The following DLGAP2 variants were observed in gnomAD, a reference collection of about 807,000 sequenced individuals.
The protein encoded by DLGAP2 is DLG associated protein 2.
Under a neutral mutation model 100.3 loss-of-function variants are expected in DLGAP2, and 26 were observed. That is an observed-to-expected ratio of 0.26 (90% CI 0.19 to 0.36). The LOEUF is 0.36. DLGAP2 is among the 10% of genes least tolerant of loss of function. The probability of loss-of-function intolerance (pLI) is 1.00; values close to 1 mark genes in which losing one functional copy is unlikely to be tolerated. For missense variants in DLGAP2, 1,858 were observed against 1,453.2 expected, an observed-to-expected ratio of 1.28 and a Z score of -4.53; for synonymous variants, 886 against 630.1, an observed-to-expected ratio of 1.41 and a Z score of -6.08.
intron 3 of DLGAP2, among the ~76,000 whole-genome samples, chr8:1,285,560 C>A (rs189807715): frequency 6.6e-6 from 1 of 152,276 alleles, no homozygotes; most frequent in Non-Finnish European, 1.5e-5. Context: ...CCCACGTGAA[C>A]AAGACACACC....
At chr8:1,254,215 A>T (rs1291710414) in intron 2 of DLGAP2, among the ~76,000 whole-genome samples, 3 of 152,130 alleles carry the variant, frequency 2.0e-5, no homozygotes, top group Non-Finnish European at 4.4e-5. Context: ...AGTGCCTCCC[A>T]CAGGCACCAT....
intron 3 of DLGAP2, among the ~76,000 whole-genome samples, chr8:1,339,822 A>G (rs1201407614): frequency 7.2e-5 from 11 of 152,176 alleles, no homozygotes; most frequent in Admixed American, 7.2e-4. Flanking sequence ...GCTGGAAGGA[A>G]TTCTCTAGGA....
At position 737,829 on chromosome 8, in the gene DLGAP2, C is replaced by G; in HGVS notation, c.18+4C>G. 1 of 378,362 alleles carries G rather than the reference C, an allele frequency of 2.6e-6. No individual in the cohort carries two copies. Among genetic ancestry groups the G allele is most frequent in the Non-Finnish European group, 4.7e-6 (1 of 212,888 alleles). The allele number at this position is 378,362 out of a possible 1,614,324, so 23.4% of individuals were successfully genotyped here. A position where few individuals can be genotyped will look rare whatever the true frequency, so the allele number is the denominator to read the frequency against. ...GAGGATGTCCGCGCTGAGGAAGGTG[C>G]GAGCCGCCGGGGGCTGCCGGGAGCC... On this transcript the variant is annotated splice_donor_region_variant and intron_variant, in intron 1 of 14. Coordinates refer to ENST00000637795, the MANE Select transcript of DLGAP2 (RefSeq NM_001346810.2).
intron 1 of DLGAP2, among the ~76,000 whole-genome samples, chr8:839,704 C>T (rs1241630654): frequency 2.0e-5 from 3 of 152,178 alleles, no homozygotes; most frequent in Non-Finnish European, 4.4e-5. Context: ...CTTGCTCCCA[C>T]CCTAAGTGCC....
At chr8:1,240,328 C>A (rs1251052317) in intron 2 of DLGAP2, among the ~76,000 whole-genome samples, 3 of 145,654 alleles carry the variant, frequency 2.1e-5, no homozygotes, top group African/African-American at 7.7e-5. Context: ...GTGTCTAGTT[C>A]TCTCTCACAC....
chr8:1,187,303 G>A lies in DLGAP2; in HGVS notation c.74-71548G>A, dbSNP rs563600821. 1.1e-4 allele frequency among the ~76,000 whole-genome samples: 17 copies of A among 149,668 alleles called. 1 individual carries two copies. Among genetic ancestry groups the A allele is most frequent in the African/African-American group, 3.5e-4 (14 of 40,314 alleles). The stretch of plus-strand genomic sequence containing the variant: ...TTGTCTCATGGAATCTCACATGCCC[G>A]GGACCTCTGTGACATTTCCCTCACA... On this transcript the variant is annotated intron_variant, in intron 2 of 14. Coordinates refer to ENST00000637795, the MANE Select transcript of DLGAP2 (RefSeq NM_001346810.2).
intron 6 of DLGAP2, among the ~76,000 whole-genome samples, chr8:1,610,767 G>A (rs563895724): frequency 2.6e-4 from 39 of 147,848 alleles, no homozygotes; most frequent in Admixed American, 1.5e-3. Context: ...ACACCTCTAC[G>A]CAAATAAACT....
At chr8:1,420,112 G>A (rs1265023168) in intron 3 of DLGAP2, among the ~76,000 whole-genome samples, 1 of 152,142 alleles carries the variant, frequency 6.6e-6, no homozygotes, top group Non-Finnish European at 1.5e-5. Flanking sequence ...CTTCCTGGAG[G>A]TCTGGGGTCG....
chr8:1,363,477 G>A lies in DLGAP2; in HGVS notation c.106+104594G>A, dbSNP rs376176552. ...CCACACGCGTTTCCTCCACCACCCA[G>A]TGATGGCCTTGTCCACAAAAAGCCA... On this transcript the variant is annotated intron_variant, in intron 3 of 14. Coordinates refer to ENST00000637795, the MANE Select transcript of DLGAP2 (RefSeq NM_001346810.2). 9.2e-5 allele frequency among the ~76,000 whole-genome samples: 14 copies of A among 152,338 alleles called. No homozygotes were observed. The South Asian group carries it at 2.5e-3, about 27-fold the overall frequency.
At chr8:1,637,566 C>T (rs1308203562) in intron 8 of DLGAP2, among the ~76,000 whole-genome samples, 1 of 152,100 alleles carries the variant, frequency 6.6e-6, no homozygotes, top group Non-Finnish European at 1.5e-5. Flanking sequence ...AAAAAAGTCA[C>T]ACATGATCAC....
intron 6 of DLGAP2, among the ~76,000 whole-genome samples, chr8:1,579,134 T>G (rs1193305946): frequency 6.6e-6 from 1 of 152,234 alleles, no homozygotes; most frequent in Non-Finnish European, 1.5e-5. Flanking sequence ...CTTTTTTTTC[T>G]GCTTAGTTCA....
At chr8:1,363,954 G>T (rs1802046160) in intron 3 of DLGAP2, among the ~76,000 whole-genome samples, 1 of 152,178 alleles carries the variant, frequency 6.6e-6, no homozygotes, top group Admixed American at 6.5e-5. Context: ...ATTGGCCATG[G>T]CACAGTAGGA....
chr8:1,472,946 T>C (rs902761279), intron 3 of DLGAP2, among the ~76,000 whole-genome samples: 3 of 152,226 alleles, frequency 2.0e-5, no homozygotes, highest in Admixed American at 6.5e-5. Flanking sequence ...ACACAATTTT[T>C]TTTTTGACAT....
intron 2 of DLGAP2, among the ~76,000 whole-genome samples, chr8:1,062,314 C>T (rs1337022235): frequency 6.6e-6 from 1 of 152,178 alleles, no homozygotes; most frequent in Non-Finnish European, 1.5e-5. Context: ...AGCTCCGTGG[C>T]AGCCTGGTCC....
chr8:1,001,927 G>T (rs1005838774), intron 2 of DLGAP2, among the ~76,000 whole-genome samples: 2 of 152,178 alleles, frequency 1.3e-5, no homozygotes, highest in African/African-American at 4.8e-5. Context: ...GTTAAAGCGT[G>T]TTTGAGCTTA....
intron 3 of DLGAP2, among the ~76,000 whole-genome samples, chr8:1,271,028 C>T (rs1257080190): frequency 6.6e-6 from 1 of 152,108 alleles, no homozygotes; most frequent in Non-Finnish European, 1.5e-5. Flanking sequence ...TGACGGATGA[C>T]CCATTTCCTA....
At chr8:1,575,683 TG>T (rs1280629181) in intron 6 of DLGAP2, among the ~76,000 whole-genome samples, 2 of 139,486 alleles carry the variant, frequency 1.4e-5, no homozygotes, top group East Asian at 4.4e-4. Context: ...GTCTTCTCAT[TG>T]TTCAATTCCC....
chr8:1,601,946 G>GTGTGTGTGTT, intron 6 of DLGAP2, among the ~76,000 whole-genome samples: 1 of 7,136 alleles, frequency 1.4e-4, no homozygotes, highest in East Asian at 0.021. Context: ...ATTTAACAGG[G>GTGTGTGTGTT]TGTGTGTGTG....
chr8:1,660,700 G>C (rs1052859631), intron 8 of DLGAP2, among the ~76,000 whole-genome samples: 4 of 152,210 alleles, frequency 2.6e-5, no homozygotes, highest in African/African-American at 9.7e-5. Flanking sequence ...ACATGGACAA[G>C]TGATTAATAT....
Sources: allele counts gnomAD v4.1 joint callset (sites outside exome capture counted in the v4.1 genomes callset), GRCh38; gene constraint gnomAD v4.1.1; transcripts MANE v1.5; gene names NCBI Gene and HGNC (gene_info 2026-07-23, HGNC 2026-07-21).